ZNF791: variants seen among roughly 807,000 people sequenced by gnomAD.
ZNF791 encodes zinc finger protein 791.
Under a neutral mutation model 11.5 loss-of-function variants are expected in ZNF791, and 4 were observed. That is an observed-to-expected ratio of 0.35 (90% CI 0.17 to 0.80). ZNF791 has a LOEUF of 0.80. Ranked by LOEUF, ZNF791 falls within the 30% of genes least tolerant of loss-of-function variation. The probability of loss-of-function intolerance (pLI) is 0.53; values close to 1 mark genes in which losing one functional copy is unlikely to be tolerated. For synonymous variants in ZNF791, 212 were observed against 228.1 expected (o/e 0.93, Z 0.64); for missense variants, 559 against 699.4 (o/e 0.80, Z 2.26).
chr19:12,623,853 T>C (rs2023387965), intron 2 of ZNF791, 27 bp downstream of exon 2: 1 of 525,756 alleles, frequency 1.9e-6, no homozygotes, highest in Non-Finnish European at 2.9e-6. Context: ...TTTTTCTTTT[T>C]TCTTTTTTTT....
Position 12,628,100 on chromosome 19 carries a change from A to T in ZNF791, c.571A>T (p.Lys191Ter). The T allele has an allele frequency of 6.2e-7, 1 of 1,614,160 alleles. No individual in the cohort carries two copies. The highest frequency in any genetic ancestry group is 1.1e-5 in the South Asian group (1 of 91,078). ...CATTGGAGAAAAACCCTATGAATGT[A>T]AGCAATGTGGAAAAGCTCTTAGTTG... is the stretch of plus-strand genomic sequence containing the variant. ...THIGEKPYEC[K>*]QCGKALSCSS... Residue 191 changes from lysine (K) to a stop codon, truncating the protein, a stop_gained, in exon 4 of 4, where the codon AAG becomes TAG. Coordinates refer to ENST00000343325, the MANE Select transcript of ZNF791 (RefSeq NM_153358.3). LOFTEE classifies it low-confidence loss of function (END_TRUNC).
chr19:12,630,790 A>T lies in ZNF791; in HGVS notation c.*1530A>T, dbSNP rs982775831. ...TCTTTAACAAAAATAGTTTAAAAAA[A>T]TTTAATAGAAAAAGCTTATAGAATA... On this transcript the variant is annotated 3_prime_UTR_variant, in exon 4 of 4. Coordinates refer to ENST00000343325, the MANE Select transcript of ZNF791 (RefSeq NM_153358.3). 2.0e-5 allele frequency: 3 copies of T among 152,354 alleles called. No individual in the cohort carries two copies. The highest frequency in any genetic ancestry group is 1.9e-4 in the East Asian group (1 of 5,188). 9.4% of individuals were successfully genotyped at this position (152,354 alleles called of 1,614,324 possible).
intron 3 of ZNF791, among the ~76,000 whole-genome samples, chr19:12,626,449 A>G (rs1014526067): frequency 6.7e-5 from 10 of 149,022 alleles, no homozygotes; most frequent in East Asian, 2.0e-4. Flanking sequence ...ATGCCCAGCC[A>G]ATTTTGTATT....
intron 1 of ZNF791, among the ~76,000 whole-genome samples, chr19:12,614,892 C>CGTTTTT (rs1191586602): frequency 4.6e-4 from 8 of 17,548 alleles, no homozygotes; most frequent in Admixed American, 1.2e-3. Flanking sequence ...TGCGTCCGGC[C>CGTTTTT]TTTTTTTTTT....
chr19:12,611,001 C>T lies in ZNF791; in HGVS notation c.-79C>T. 1 of 1,597,554 alleles carries T rather than the reference C, an allele frequency of 6.3e-7. No individual in the cohort carries two copies. Among genetic ancestry groups the T allele is most frequent in the Non-Finnish European group, 8.6e-7 (1 of 1,165,590 alleles). Reference sequence around the variant, plus strand: ...CCCTTGACGCGTCAGGTTGCTGTACCCCTGCATCGGATGCGCTGTACCCTG... The same window carrying T: ...CCCTTGACGCGTCAGGTTGCTGTACTCCTGCATCGGATGCGCTGTACCCTG... On this transcript the variant is annotated 5_prime_UTR_variant, in exon 1 of 4. Transcript: ENST00000343325.
At chr19:12,625,265 G>A (rs1187904219) in intron 3 of ZNF791, among the ~76,000 whole-genome samples, 1 of 150,228 alleles carries the variant, frequency 6.7e-6, no homozygotes, top group East Asian at 2.1e-4. Flanking sequence ...GGATTACAGG[G>A]ACGTGCCACC....
chr19:12,619,139 C>A lies in ZNF791; in HGVS notation c.4-4561C>A, dbSNP rs141532361. On this transcript the variant is annotated intron_variant, in intron 1 of 3. Coordinates refer to ENST00000343325, the MANE Select transcript of ZNF791 (RefSeq NM_153358.3). The stretch of plus-strand genomic sequence containing the variant: ...GGATTACAGGCGTGAGCCACCACGC[C>A]TGGCCACCTCTCAGTATATTTCTCA... 9.9e-5 allele frequency among the ~76,000 whole-genome samples: 15 copies of A among 152,218 alleles called. No individual in the cohort carries two copies. In the East Asian group the frequency reaches 2.7e-3, roughly 28 times the overall value.
intron 2 of ZNF791, 136 bp downstream of exon 2, chr19:12,623,962 TCTC>T: frequency 2.5e-6 from 2 of 815,154 alleles, no homozygotes; most frequent in Non-Finnish European, 1.8e-6. Context: ...TTCAAGCAAT[TCTC>T]CTACCTCAGC....
In ZNF791 at chr19:12,622,410, AC is replaced by A. The variant is rs1186387630; in HGVS notation, c.4-1289del. Reference sequence around the variant, plus strand: ...AATAATAAAAAAAAGACTGTCTCAAACAAAAAAAAAAAAAAAAAAAAACCTC... The same window carrying A: ...AATAATAAAAAAAAGACTGTCTCAAAAAAAAAAAAAAAAAAAAAAAACCTC... On this transcript the variant is annotated intron_variant, in intron 1 of 3. Transcript: ENST00000343325. Among the ~76,000 whole-genome samples, 102 of 112,046 alleles carry A rather than the reference AC, an allele frequency of 9.1e-4. 2 individuals carry two copies. Among genetic ancestry groups the A allele is most frequent in the African/African-American group, 3.1e-3 (74 of 23,764 alleles). The allele number at this position is 112,046 out of a possible 152,430, so 73.5% of individuals were successfully genotyped here.
At chr19:12,617,597 T>A (rs1482958404) in intron 1 of ZNF791, among the ~76,000 whole-genome samples, 1 of 152,134 alleles carries the variant, frequency 6.6e-6, no homozygotes, top group Non-Finnish European at 1.5e-5. Flanking sequence ...ATTGTTAAGG[T>A]GTGTTTTTGT....
chr19:12,617,272 C>T (rs567346166), intron 1 of ZNF791, among the ~76,000 whole-genome samples: 1 of 151,740 alleles, frequency 6.6e-6, no homozygotes, highest in East Asian at 1.9e-4. Flanking sequence ...ATTACAGGCA[C>T]GTGCCACCAT....
At chr19:12,623,607 G>A in intron 1 of ZNF791, 93 bp from the exon 2 acceptor site, 1 of 1,547,088 alleles carries the variant, frequency 6.5e-7, no homozygotes, top group Admixed American at 1.8e-5. Context: ...AATGTTTGGA[G>A]ACCACAAAAT....
In ZNF791 at chr19:12,630,421, C is replaced by T. The variant is rs1199691489; in HGVS notation, c.*1161C>T. 6.6e-6 allele frequency: 1 copy of T among 152,020 alleles called. No individual in the cohort carries two copies. Among genetic ancestry groups the T allele is most frequent in the Non-Finnish European group, 1.5e-5 (1 of 68,044 alleles). The allele number at this position is 152,020 out of a possible 1,614,324, so 9.4% of individuals were successfully genotyped here. A position where few individuals can be genotyped will look rare whatever the true frequency, so the allele number is the denominator to read the frequency against. On this transcript the variant is annotated 3_prime_UTR_variant, in exon 4 of 4. Transcript: ENST00000343325. ...CAGTGAGCTGAGATCTACCACTACA[C>T]TCCAGCCTGGGTGACAGAGCGAGAC... is the stretch of plus-strand genomic sequence containing the variant.
chr19:12,619,079 C>T (rs1335552516), intron 1 of ZNF791, among the ~76,000 whole-genome samples: 3 of 151,960 alleles, frequency 2.0e-5, no homozygotes. Flanking sequence ...GTCTCGACCT[C>T]GTGATCCACC....
intron 1 of ZNF791, among the ~76,000 whole-genome samples, chr19:12,621,944 T>G (rs952614016): frequency 4.9e-5 from 6 of 121,634 alleles, no homozygotes; most frequent in African/African-American, 1.9e-4. Flanking sequence ...GATTGAGAAA[T>G]CGGATGGTTG....
Position 12,624,717 on chromosome 19 carries a change from T to C in ZNF791, c.191+7T>C. ...ACCAAGGACGAAATCTAAGGTGAGT[T>C]GCACTCACAAGAAGTAACAGTGTTC... On this transcript the variant is annotated splice_region_variant and intron_variant, in intron 3 of 3. Transcript: ENST00000343325. 6.2e-7 allele frequency: 1 copy of C among 1,600,812 alleles called. No homozygotes were observed. The highest frequency in any genetic ancestry group is 1.1e-5 in the South Asian group (1 of 88,552).
Position 12,610,946 on chromosome 19 carries a change from C to T in ZNF791, c.-134C>T, listed in dbSNP as rs545187445. 26 of 1,237,086 alleles carry T rather than the reference C, an allele frequency of 2.1e-5. No homozygotes were observed. In the African/African-American group the frequency reaches 3.5e-4, roughly 17 times the overall value. 76.6% of individuals were successfully genotyped at this position (1,237,086 alleles called of 1,614,324 possible). On this transcript the variant is annotated 5_prime_UTR_variant, in exon 1 of 4. Coordinates refer to ENST00000343325, the MANE Select transcript of ZNF791 (RefSeq NM_153358.3). ...AATGCGTGCTACGTCACTGTGCGAT[C>T]GGGTTGTGCTTAGCTTGGGGTCTCC...
At chr19:12,625,049 CAA>C (rs934969969) in intron 3 of ZNF791, among the ~76,000 whole-genome samples, 1 of 136,594 alleles carries the variant, frequency 7.3e-6, no homozygotes, top group Non-Finnish European at 1.6e-5. Context: ...GACTCTGTCT[CAA>C]AAAAAAAAAG....
rs891772448 is a variant in ZNF791, at chr19:12,632,183, T to G, written c.*2923T>G. ...TTCACCGTGTTAAGCCAGGATGGTC[T>G]CAATCTCCTGACCTCGTGATTCGAC... is the stretch of plus-strand genomic sequence containing the variant. On this transcript the variant is annotated 3_prime_UTR_variant, in exon 4 of 4. Coordinates refer to ENST00000343325, the MANE Select transcript of ZNF791 (RefSeq NM_153358.3). 6.6e-6 allele frequency: 1 copy of G among 151,960 alleles called. No homozygotes were observed. The highest frequency in any genetic ancestry group is 1.5e-5 in the Non-Finnish European group (1 of 68,016). 9.4% of individuals were successfully genotyped at this position (151,960 alleles called of 1,614,324 possible).
Sources: allele counts gnomAD v4.1 joint callset (sites outside exome capture counted in the v4.1 genomes callset), GRCh38; gene constraint gnomAD v4.1.1; transcripts MANE v1.5; gene names NCBI Gene and HGNC (gene_info 2026-07-23, HGNC 2026-07-21).